DAAM2: variants seen among roughly 807,000 people sequenced by gnomAD.
DAAM2 encodes dishevelled associated activator of morphogenesis 2.
In DAAM2, 39 loss-of-function variants were observed where a neutral mutation model predicts 120.7. The observed-to-expected ratio is 0.32, with a 90% CI of 0.25 to 0.42. The LOEUF (loss-of-function observed/expected upper bound fraction) is 0.42, where lower values mean the gene tolerates loss of function less well. Ranked by LOEUF, DAAM2 falls within the 10% of genes least tolerant of loss-of-function variation. The pLI is 1.00. For missense variants in DAAM2, 1,283 were observed against 1,401.7 expected, an observed-to-expected ratio of 0.92 and a Z score of 1.35; for synonymous variants, 488 against 524.9, an observed-to-expected ratio of 0.93 and a Z score of 0.96.
intron 1 of DAAM2, among the ~76,000 whole-genome samples, chr6:39,855,675 T>C (rs896294532): frequency 6.6e-6 from 1 of 152,112 alleles, no homozygotes; most frequent in African/African-American, 2.4e-5. Flanking sequence ...AGCACAAAAC[T>C]GTACAAGCCT....
intron 15 of DAAM2, chr6:39,884,547 A>C (rs1765284349): frequency 6.4e-6 from 1 of 156,292 alleles, no homozygotes. Context: ...GAGACCGAGC[A>C]GGGGATGTTG....
intron 1 of DAAM2, among the ~76,000 whole-genome samples, chr6:39,817,561 T>G (rs1762345032): frequency 6.6e-6 from 1 of 152,152 alleles, no homozygotes; most frequent in Non-Finnish European, 1.5e-5. Flanking sequence ...ATGCTTCTGT[T>G]CATCAGTGTT....
intron 1 of DAAM2, among the ~76,000 whole-genome samples, chr6:39,824,831 A>G (rs1582625977): frequency 6.6e-6 from 1 of 152,198 alleles, no homozygotes; most frequent in Non-Finnish European, 1.5e-5. Flanking sequence ...TTCCCCATCC[A>G]GGGTGCATTT....
chr6:39,887,729 G>T (rs1346825567), intron 16 of DAAM2, 137 bp downstream of exon 16: 2 of 623,300 alleles, frequency 3.2e-6, no homozygotes, highest in African/African-American at 1.8e-5. Context: ...ACTGTCTCTC[G>T]GGAACCTGCC....
chr6:39,855,956 C>T, intron 1 of DAAM2: 2 of 864,798 alleles, frequency 2.3e-6, no homozygotes, highest in Non-Finnish European at 2.8e-6. Context: ...ATTCAGTGAC[C>T]CCAGCCTTTG....
Position 39,878,280 on chromosome 6 carries a change from G to T in DAAM2, c.1360+19G>T, listed in dbSNP as rs1222196505. On this transcript the variant is annotated intron_variant, in intron 12 of 24. Transcript: ENST00000274867. The surrounding 1 kb of genome is among the most constrained non-coding windows in gnomAD (Gnocchi z 5.0). ...CGGAAAGGTGAGGGGCTCTGCTTAA[G>T]CCTGCTGTCCACTCCACATGCCCTT... 4 of 1,613,716 alleles carry T rather than the reference G, an allele frequency of 2.5e-6. No homozygotes were observed. In the African/African-American group the frequency reaches 5.3e-5, roughly 22 times the overall value.
chr6:39,833,161 C>T (rs765092240), intron 1 of DAAM2, among the ~76,000 whole-genome samples: 1 of 152,222 alleles, frequency 6.6e-6, no homozygotes, highest in Non-Finnish European at 1.5e-5. Flanking sequence ...ACCCCCTCCT[C>T]TCTTCTCTGG....
At position 39,904,686 on chromosome 6, in the gene DAAM2, G is replaced by C. The variant is rs1766715336; in HGVS notation, c.*2649G>C. On this transcript the variant is annotated 3_prime_UTR_variant, in exon 25 of 25. Coordinates refer to ENST00000274867, the MANE Select transcript of DAAM2 (RefSeq NM_001201427.2). ...TCCCATTTCCACCAACTGGGGAACT[G>C]TGACTATCTATCTCCCCCGACTTCT... is the stretch of plus-strand genomic sequence containing the variant. 1 of 453,158 alleles carries C rather than the reference G, an allele frequency of 2.2e-6. No individual in the cohort carries two copies. The highest frequency in any genetic ancestry group is 2.0e-5 in the African/African-American group (1 of 49,224). 28.1% of individuals were successfully genotyped at this position (453,158 alleles called of 1,614,324 possible). A position where few individuals can be genotyped will look rare whatever the true frequency, so the allele number is the denominator to read the frequency against.
Position 39,887,494 on chromosome 6 carries a change from G to A in DAAM2, c.1962G>A (p.Leu654=), listed in dbSNP as rs755030931. 3.1e-6 allele frequency: 5 copies of A among 1,612,780 alleles called. No individual in the cohort carries two copies. Among genetic ancestry groups the A allele is most frequent in the Middle Eastern group, 1.7e-4 (1 of 6,056 alleles). The change falls in exon 16 of 25, where the codon CTG becomes CTA. Residue 654 remains leucine (L), a synonymous_variant. Transcript: ENST00000274867. ...TGACTTGTTGGTTGCAGAAAGAGCT[G>A]GGCTCCACTGAAGACATCTACCTGG... ...FSAYQRHQKE[L]GSTEDIYLAS... is the part of the protein sequence containing the mutation.
rs1766529085 is a variant in DAAM2, at chr6:39,902,091, G to A, written c.*54G>A. 4.8e-6 allele frequency: 7 copies of A among 1,453,942 alleles called. No homozygotes were observed. Among genetic ancestry groups the A allele is most frequent in the Non-Finnish European group, 6.6e-6 (7 of 1,059,238 alleles). The allele number at this position is 1,453,942 out of a possible 1,614,324, so 90.1% of individuals were successfully genotyped here. ...GGAGACAGGGACTGGTGAGAATGGG[G>A]CTGAGTGGAGGAGGTGGTGATATTT... On this transcript the variant is annotated 3_prime_UTR_variant, in exon 25 of 25. Coordinates refer to ENST00000274867, the MANE Select transcript of DAAM2 (RefSeq NM_001201427.2).
intron 14 of DAAM2, chr6:39,881,831 G>A (rs1192170020): frequency 2.0e-5 from 3 of 151,852 alleles, no homozygotes; most frequent in Admixed American, 2.0e-4. Flanking sequence ...ATTATTAGTG[G>A]CCCTACCATG....
Position 39,903,827 on chromosome 6 carries a change from T to G in DAAM2, c.*1790T>G, listed in dbSNP as rs1388875064. On this transcript the variant is annotated 3_prime_UTR_variant, in exon 25 of 25. Coordinates refer to ENST00000274867, the MANE Select transcript of DAAM2 (RefSeq NM_001201427.2). The stretch of plus-strand genomic sequence containing the variant: ...GGCGGGCGGTGTGTGTGTGTTCTGG[T>G]GGGAGGGATCTGAGCAAGTGCAAGC... 1 of 232,908 alleles carries G rather than the reference T, an allele frequency of 4.3e-6. No homozygotes were observed. Among genetic ancestry groups the G allele is most frequent in the Admixed American group, 5.2e-5 (1 of 19,388 alleles). The allele number at this position is 232,908 out of a possible 1,614,324, so 14.4% of individuals were successfully genotyped here.
intron 14 of DAAM2, 58 bp from the exon 15 acceptor site, chr6:39,883,904 G>A (rs1765250656): frequency 9.7e-6 from 11 of 1,135,230 alleles, no homozygotes; most frequent in Non-Finnish European, 1.5e-5. Context: ...GAGGCATGGA[G>A]CATCTTCATG....
intron 16 of DAAM2, 86 bp downstream of exon 16, chr6:39,887,678 C>G: frequency 1.1e-6 from 1 of 883,172 alleles, no homozygotes; most frequent in Non-Finnish European, 1.8e-6. Context: ...CGGGCCTCTC[C>G]CTCTCTGCTG....
intron 1 of DAAM2, among the ~76,000 whole-genome samples, chr6:39,824,938 G>A (rs1762614658): frequency 6.6e-6 from 1 of 152,210 alleles, no homozygotes; most frequent in Non-Finnish European, 1.5e-5. Context: ...CCTCTCCAGA[G>A]CCAGGTTATC....
intron 1 of DAAM2, among the ~76,000 whole-genome samples, chr6:39,840,340 C>T (rs1216772470): frequency 1.3e-5 from 2 of 152,228 alleles, no homozygotes; most frequent in Non-Finnish European, 2.9e-5. Context: ...CTTCACTGAA[C>T]ATTGGTTTCC....
chr6:39,889,989 G>A (rs1765606704), intron 17 of DAAM2, among the ~76,000 whole-genome samples: 1 of 152,062 alleles, frequency 6.6e-6, no homozygotes, highest in African/African-American at 2.4e-5. Context: ...TTAGCCAGGT[G>A]TGATGGTGCA....
At chr6:39,868,966 C>T in intron 7 of DAAM2, 33 bp downstream of exon 7, 1 of 1,455,166 alleles carries the variant, frequency 6.9e-7, no homozygotes, top group Non-Finnish European at 9.5e-7. Context: ...TTGCTGTTCC[C>T]TGACTTTCTG....
At chr6:39,889,786 T>G (rs1477713175) in intron 17 of DAAM2, among the ~76,000 whole-genome samples, 1 of 152,200 alleles carries the variant, frequency 6.6e-6, no homozygotes. Context: ...ATATGCTGTA[T>G]TTTTATAACA....
Sources: gnomAD v4.1 joint callset for allele counts (sites outside exome capture counted in the v4.1 genomes callset) on GRCh38, gnomAD v4.1.1 for gene constraint, Gnocchi (gnomAD v3.1) non-coding constraint, MANE v1.5 for transcripts, NCBI Gene and HGNC (gene_info 2026-07-23, HGNC 2026-07-21) for gene names.